Variants in AGO3 observed in about 807,000 individuals in gnomAD.
AGO3 encodes the protein protein argonaute-3.
In AGO3, 16 loss-of-function variants were observed where a neutral mutation model predicts 105.5. The observed-to-expected ratio is 0.15, with a 90% CI of 0.10 to 0.23. The LOEUF (loss-of-function observed/expected upper bound fraction) is 0.23. Ranked by LOEUF, AGO3 falls within the 10% of genes least tolerant of loss-of-function variation. The probability of loss-of-function intolerance (pLI) is 1.00; values close to 1 mark genes in which losing one functional copy is unlikely to be tolerated. For synonymous variants in AGO3, 340 were observed against 367.3 expected (o/e 0.93, Z 0.85); for missense variants, 534 against 1,088.0 (o/e 0.49, Z 7.16).
At chr1:35,981,232 GTAT>G (rs1298349848) in intron 5 of AGO3, among the ~76,000 whole-genome samples, 2 of 151,980 alleles carry the variant, frequency 1.3e-5, no homozygotes, top group African/African-American at 2.4e-5. Flanking sequence ...TTTTTCTATG[GTAT>G]TATTGTATGT....
At chr1:36,042,690 A>C (rs1374593213) in intron 16 of AGO3, among the ~76,000 whole-genome samples, 1 of 152,178 alleles carries the variant, frequency 6.6e-6, no homozygotes, top group East Asian at 1.9e-4. Context: ...TATAATAAAC[A>C]TTTTTAAGTG....
chr1:36,016,866 C>T (rs1262979530), intron 11 of AGO3, among the ~76,000 whole-genome samples: 1 of 152,148 alleles, frequency 6.6e-6, no homozygotes, highest in Non-Finnish European at 1.5e-5. Flanking sequence ...GCATGAGTGA[C>T]TCCATTTTGG....
chr1:35,956,374 AAGTTCAAT>A (rs1369927173), intron 2 of AGO3, among the ~76,000 whole-genome samples: 1 of 152,222 alleles, frequency 6.6e-6, no homozygotes, highest in Non-Finnish European at 1.5e-5. Flanking sequence ...AAAATGGCAG[AAGTTCAAT>A]AGGTTATTGG....
chr1:35,949,399 A>G (rs1017862062), intron 2 of AGO3, among the ~76,000 whole-genome samples: 1 of 152,218 alleles, frequency 6.6e-6, no homozygotes, highest in African/African-American at 2.4e-5. Context: ...CAGTTTTTAC[A>G]GTATTACTGC....
intron 5 of AGO3, among the ~76,000 whole-genome samples, chr1:35,988,282 C>T (rs1647301698): frequency 6.6e-6 from 1 of 152,058 alleles, no homozygotes; most frequent in Admixed American, 6.5e-5. Flanking sequence ...TAACAATCAC[C>T]TCATAGGTAT....
chr1:36,045,377 A>G (rs560208930), intron 17 of AGO3, among the ~76,000 whole-genome samples: 1 of 152,034 alleles, frequency 6.6e-6, no homozygotes, highest in East Asian at 1.9e-4. Context: ...ACCCACCACC[A>G]TGCCGAGCTA....
rs1418891225 is a variant in AGO3, at chr1:36,055,351, A to C, written c.2474+206A>C. The C allele has an allele frequency of 6.5e-6, 4 of 619,834 alleles. No homozygotes were observed. The highest frequency in any genetic ancestry group is 8.4e-6 in the Non-Finnish European group (3 of 355,552). The allele number at this position is 619,834 out of a possible 1,614,324, so 38.4% of individuals were successfully genotyped here. ...AGTAACTTAGTTGTTTTACTACATTAATTCAAAGGAGAGATTATTGGTAAT... is the reference window on the plus strand; with the variant it reads ...AGTAACTTAGTTGTTTTACTACATTCATTCAAAGGAGAGATTATTGGTAAT... On this transcript the variant is annotated intron_variant, in intron 18 of 18. Coordinates refer to ENST00000373191, the MANE Select transcript of AGO3 (RefSeq NM_024852.4). The surrounding 1 kb of genome is among the most constrained non-coding windows in gnomAD (Gnocchi z 4.4).
chr1:36,047,117 C>T (rs1642505345), intron 17 of AGO3, among the ~76,000 whole-genome samples: 1 of 151,982 alleles, frequency 6.6e-6, no homozygotes, highest in Non-Finnish European at 1.5e-5. Context: ...GTGGCACATG[C>T]CTATAATCCC....
intron 17 of AGO3, among the ~76,000 whole-genome samples, chr1:36,048,256 C>A (rs1033309697): frequency 1.3e-5 from 2 of 152,056 alleles, no homozygotes; most frequent in African/African-American, 4.8e-5. Context: ...TGTACTCCAG[C>A]CTGGGCAACG....
chr1:36,019,303 T>G (rs1255603613), intron 11 of AGO3, among the ~76,000 whole-genome samples: 1 of 152,252 alleles, frequency 6.6e-6, no homozygotes, highest in African/African-American at 2.4e-5. Context: ...GACTATTTCA[T>G]AAGGGTTCAA....
rs1647077288 is a variant in AGO3, at chr1:35,982,800, A to G, written c.658+9289A>G. On this transcript the variant is annotated intron_variant, in intron 5 of 18. Coordinates refer to ENST00000373191, the MANE Select transcript of AGO3 (RefSeq NM_024852.4). ...TAAGAACCATGTCCAGAAAAAAAAAACTTTGGGTGTAGTACTGGTACATGG... is the reference window on the plus strand; with the variant it reads ...TAAGAACCATGTCCAGAAAAAAAAAGCTTTGGGTGTAGTACTGGTACATGG... 1.5e-5 allele frequency: 9 copies of G among 584,478 alleles called. No individual in the cohort carries two copies. In the East Asian group the frequency reaches 2.6e-4, roughly 17 times the overall value. 36.2% of individuals were successfully genotyped at this position (584,478 alleles called of 1,614,324 possible). A position where few individuals can be genotyped will look rare whatever the true frequency, so the allele number is the denominator to read the frequency against.
chr1:35,936,270 A>G (rs1369304093), intron 1 of AGO3, among the ~76,000 whole-genome samples: 1 of 152,118 alleles, frequency 6.6e-6, no homozygotes, highest in East Asian at 1.9e-4. Flanking sequence ...AAAAAAAACC[A>G]ACTATTGAGA....
At chr1:35,945,368 T>G (rs1469858408) in intron 1 of AGO3, among the ~76,000 whole-genome samples, 2 of 152,140 alleles carry the variant, frequency 1.3e-5, no homozygotes, top group Non-Finnish European at 2.9e-5. Flanking sequence ...TTCTACTTTC[T>G]TTAACTTTAC....
At chr1:36,049,523 A>C (rs1216061783) in intron 17 of AGO3, among the ~76,000 whole-genome samples, 4 of 152,012 alleles carry the variant, frequency 2.6e-5, no homozygotes, top group Admixed American at 2.6e-4. Flanking sequence ...TCTCAAAAAA[A>C]AAAAAAAGAA....
At chr1:35,989,343 T>TA (rs1303231457) in intron 5 of AGO3, among the ~76,000 whole-genome samples, 1 of 152,240 alleles carries the variant, frequency 6.6e-6, no homozygotes, top group Non-Finnish European at 1.5e-5. Context: ...TTTACCAATC[T>TA]AAGACTCAAA....
At chr1:36,017,836 G>C (rs1236855604) in intron 11 of AGO3, among the ~76,000 whole-genome samples, 2 of 152,034 alleles carry the variant, frequency 1.3e-5, no homozygotes, top group African/African-American at 4.8e-5. Context: ...CCAGGAGGCA[G>C]AGGTTGCAGT....
chr1:36,029,447 T>C (rs1479533846), intron 12 of AGO3, among the ~76,000 whole-genome samples: 1 of 147,768 alleles, frequency 6.8e-6, no homozygotes, highest in East Asian at 2.0e-4. Flanking sequence ...CAGGTTGGAG[T>C]GCAGTGGTGC....
At chr1:36,025,721 C>G (rs1261439611) in intron 11 of AGO3, among the ~76,000 whole-genome samples, 4 of 152,068 alleles carry the variant, frequency 2.6e-5, no homozygotes, top group African/African-American at 9.7e-5. Flanking sequence ...CTTATTTATA[C>G]TGAATTCAAA....
chr1:35,991,406 G>A (rs966781368), intron 5 of AGO3, among the ~76,000 whole-genome samples: 1 of 151,894 alleles, frequency 6.6e-6, no homozygotes, highest in South Asian at 2.1e-4. Flanking sequence ...TGTTTGGTGC[G>A]CAGCTGTCTT....
Sources: gnomAD v4.1 joint callset for allele counts (sites outside exome capture counted in the v4.1 genomes callset) on GRCh38, gnomAD v4.1.1 for gene constraint, Gnocchi (gnomAD v3.1) non-coding constraint, MANE v1.5 for transcripts, NCBI Gene and HGNC (gene_info 2026-07-23, HGNC 2026-07-21) for gene names.